YPEL1: variants seen among roughly 807,000 people sequenced by gnomAD.
YPEL1 encodes the protein protein yippee-like 1.
YPEL1 carries 7 observed loss-of-function variants against 17.3 expected under a neutral mutation model. The observed-to-expected ratio is 0.40, with a 90% CI of 0.23 to 0.76. The LOEUF (loss-of-function observed/expected upper bound fraction) is 0.76. Among genes scored for constraint, YPEL1 ranks in the 30% least tolerant of loss-of-function variants. YPEL1 has a pLI of 0.35. For missense variants in YPEL1, 91 were observed against 155.5 expected (o/e 0.59, Z 2.21); for synonymous variants, 59 against 59.6 (o/e 0.99, Z 0.05).
At chr22:21,720,446 C>T (rs565903891) in intron 1 of YPEL1, among the ~76,000 whole-genome samples, 1 of 152,188 alleles carries the variant, frequency 6.6e-6, no homozygotes, top group South Asian at 2.1e-4. Context: ...AGTGATCTAA[C>T]CGCCCCAGCC....
intron 1 of YPEL1, among the ~76,000 whole-genome samples, chr22:21,721,638 G>A (rs148694169): frequency 9.0e-4 from 137 of 152,226 alleles, no homozygotes; most frequent in African/African-American, 3.1e-3. Flanking sequence ...TGGCTAGGCC[G>A]GTCTCCAACT....
chr22:21,708,634 C>A lies in YPEL1; in HGVS notation c.117+1994G>T, dbSNP rs527607583. ...GGATTACAGGTGTAAGCCACCAAGC[C>A]CAGCCAGGCTTCTATTCTTGATACA... On this transcript the variant is annotated intron_variant, in intron 2 of 4. Coordinates refer to ENST00000339468, the MANE Select transcript of YPEL1 (RefSeq NM_013313.5). Among the ~76,000 whole-genome samples the A allele has an allele frequency of 8.6e-5, 13 of 151,084 alleles. No individual in the cohort carries two copies. The East Asian group carries it at 2.5e-3, about 29-fold the overall frequency.
At chr22:21,718,449 A>G (rs1244263567) in intron 1 of YPEL1, among the ~76,000 whole-genome samples, 1 of 151,832 alleles carries the variant, frequency 6.6e-6, no homozygotes, top group Non-Finnish European at 1.5e-5. Flanking sequence ...TGGGCAACAG[A>G]GCGAGGCTCC....
At chr22:21,732,714 G>A (rs1229704542) in intron 1 of YPEL1, among the ~76,000 whole-genome samples, 7 of 151,760 alleles carry the variant, frequency 4.6e-5, no homozygotes, top group South Asian at 2.1e-4. Context: ...CCCGGGAGGC[G>A]GAGGCTGCAC....
intron 1 of YPEL1, among the ~76,000 whole-genome samples, chr22:21,725,835 GAA>G (rs67157672): frequency 0.029 from 4,018 of 140,884 alleles, 146 homozygotes; most frequent in African/African-American, 0.085. Flanking sequence ...TCTACCAAAG[GAA>G]AAAAAAAAAA....
intron 1 of YPEL1, among the ~76,000 whole-genome samples, chr22:21,725,027 C>A (rs547507974): frequency 6.6e-6 from 1 of 151,840 alleles, no homozygotes; most frequent in South Asian, 2.1e-4. Context: ...CCTGCCTCAG[C>A]CTCCCAAGTA....
chr22:21,719,893 T>C (rs1412968275), intron 1 of YPEL1, among the ~76,000 whole-genome samples: 1 of 151,148 alleles, frequency 6.6e-6, no homozygotes, highest in Non-Finnish European at 1.5e-5. Context: ...GCACCTGTAA[T>C]CCCAGCTACT....
At chr22:21,711,758 A>G (rs1231743109) in intron 1 of YPEL1, among the ~76,000 whole-genome samples, 1 of 152,228 alleles carries the variant, frequency 6.6e-6, no homozygotes, top group African/African-American at 2.4e-5. Context: ...TAAGACTATA[A>G]AACTCTTAGA....
In YPEL1 at chr22:21,697,787, G is replaced by GT. The variant is rs1407721736; in HGVS notation, c.*3341dup. 3 of 152,292 alleles carry GT rather than the reference G, an allele frequency of 2.0e-5. No homozygotes were observed. Among genetic ancestry groups the GT allele is most frequent in the African/African-American group, 7.2e-5 (3 of 41,432 alleles). 9.4% of individuals were successfully genotyped at this position (152,292 alleles called of 1,614,324 possible). ...CACCAAGGACCTTTGGCAAATGAAGGTTTACATTTCTGTAGTTTGTTTGTT... is the reference window on the plus strand; with the variant it reads ...CACCAAGGACCTTTGGCAAATGAAGGTTTTACATTTCTGTAGTTTGTTTGTT... On this transcript the variant is annotated 3_prime_UTR_variant, in exon 5 of 5. Coordinates refer to ENST00000339468, the MANE Select transcript of YPEL1 (RefSeq NM_013313.5).
chr22:21,730,469 C>CGCCTTGGCCTCCCAAAGTGTTGGGA (rs2068376526), intron 1 of YPEL1, among the ~76,000 whole-genome samples: 2 of 152,162 alleles, frequency 1.3e-5, no homozygotes, highest in Non-Finnish European at 2.9e-5. Flanking sequence ...GTGATCCACC[C>CGCCTTGGCCTCCCAAAGTGTTGGGA]GCCTTGGCCT....
intron 2 of YPEL1, among the ~76,000 whole-genome samples, chr22:21,706,045 G>C (rs1415817076): frequency 6.6e-6 from 1 of 151,614 alleles, no homozygotes; most frequent in East Asian, 1.9e-4. Context: ...CAGGAGAATT[G>C]CTTGAACCTG....
intron 2 of YPEL1, among the ~76,000 whole-genome samples, chr22:21,709,690 A>G (rs1464129422): frequency 2.0e-5 from 3 of 152,174 alleles, no homozygotes; most frequent in Admixed American, 6.5e-5. Context: ...TTCCTGACAA[A>G]CTTTGTTCCC....
intron 2 of YPEL1, chr22:21,704,270 G>A (rs545888664): frequency 1.3e-5 from 9 of 696,188 alleles, no homozygotes; most frequent in East Asian, 5.4e-5. Context: ...TGCTCTCCTC[G>A]CCGCCTCTTC....
In YPEL1 at chr22:21,703,724, G is replaced by C. The variant is rs1400220699; in HGVS notation, c.161+115C>G. The C allele has an allele frequency of 2.1e-5, 25 of 1,207,012 alleles. No individual in the cohort carries two copies. The highest frequency in any genetic ancestry group is 2.8e-5 in the Non-Finnish European group (24 of 861,276). The allele number at this position is 1,207,012 out of a possible 1,614,324, so 74.8% of individuals were successfully genotyped here. On this transcript the variant is annotated intron_variant, in intron 3 of 4. Transcript: ENST00000339468. This position sits in a 1 kb window ranked among gnomAD's most constrained non-coding sequence, Gnocchi z 6.1. ...AGAAACTCCCGGCGGGGGGATGGTG[G>C]GTTCTTTCAGGACCCCTAAAGACCC...
chr22:21,710,916 C>T lies in YPEL1; in HGVS notation c.-164-8G>A. ...ACGAGAGAAAAACGTAACCTGCCAACCAATCAGACAAAGTGGTGGGTTACA... is the reference window on the plus strand; with the variant it reads ...ACGAGAGAAAAACGTAACCTGCCAATCAATCAGACAAAGTGGTGGGTTACA... On this transcript the variant is annotated splice_polypyrimidine_tract_variant and splice_region_variant and intron_variant, in intron 1 of 4. Transcript: ENST00000339468. 1.5e-6 allele frequency: 1 copy of T among 656,188 alleles called. No homozygotes were observed. Among genetic ancestry groups the T allele is most frequent in the Non-Finnish European group, 2.8e-6 (1 of 363,098 alleles). 40.6% of individuals were successfully genotyped at this position (656,188 alleles called of 1,614,324 possible).
Position 21,703,553 on chromosome 22 carries a change from C to A in YPEL1, c.162-75G>T. The A allele has an allele frequency of 3.7e-6, 5 of 1,352,810 alleles. No homozygotes were observed. The South Asian group carries it at 5.9e-5, about 16-fold the overall frequency. 83.8% of individuals were successfully genotyped at this position (1,352,810 alleles called of 1,614,324 possible). A position where few individuals can be genotyped will look rare whatever the true frequency, so the allele number is the denominator to read the frequency against. ...CAGGCCCTGCCCCCTCAGCGGGCCC[C>A]ACCCCATCCTCCTAAGAGTTCCCCC... is the stretch of plus-strand genomic sequence containing the variant. On this transcript the variant is annotated intron_variant, in intron 3 of 4. Coordinates refer to ENST00000339468, the MANE Select transcript of YPEL1 (RefSeq NM_013313.5). This position sits in a 1 kb window ranked among gnomAD's most constrained non-coding sequence, Gnocchi z 6.1.
chr22:21,701,727 C>T (rs568864754), intron 4 of YPEL1, among the ~76,000 whole-genome samples: 14 of 152,276 alleles, frequency 9.2e-5, no homozygotes, highest in Admixed American at 5.2e-4. Flanking sequence ...GCATAACTAG[C>T]GTGAAGGCAA....
intron 1 of YPEL1, among the ~76,000 whole-genome samples, chr22:21,727,914 G>A (rs1000971362): frequency 6.6e-6 from 1 of 152,196 alleles, no homozygotes; most frequent in African/African-American, 2.4e-5. Flanking sequence ...GGTGTCCCGA[G>A]ATGGAAAGGA....
At chr22:21,701,441 CT>C (rs1737385448) in intron 4 of YPEL1, among the ~76,000 whole-genome samples, 1 of 152,284 alleles carries the variant, frequency 6.6e-6, no homozygotes, top group East Asian at 1.9e-4. Flanking sequence ...CATGTGCTCG[CT>C]TCGGCAGCGC....
Sources: gnomAD v4.1 joint callset for allele counts (sites outside exome capture counted in the v4.1 genomes callset) on GRCh38, gnomAD v4.1.1 for gene constraint, Gnocchi (gnomAD v3.1) non-coding constraint, MANE v1.5 for transcripts, NCBI Gene and HGNC (gene_info 2026-07-23, HGNC 2026-07-21) for gene names.